The following SUN5 variants were observed in gnomAD, a reference collection of about 807,000 sequenced individuals.
The protein encoded by SUN5 is SUN domain-containing protein 5.
A neutral mutation model predicts 53.7 loss-of-function variants in SUN5; 44 were observed. That is an observed-to-expected ratio of 0.82 (90% CI 0.64 to 1.05). The LOEUF (loss-of-function observed/expected upper bound fraction) is 1.05, where lower values mean the gene tolerates loss of function less well. Ranked by LOEUF, SUN5 falls within the 50% of genes least tolerant of loss-of-function variation. The pLI is 0.00. For synonymous variants in SUN5, 166 were observed against 179.8 expected (o/e 0.92, Z 0.62); for missense variants, 433 against 483.8 (o/e 0.90, Z 0.98).
chr20:32,986,751 C>G (rs1318557895), intron 10 of SUN5, among the ~76,000 whole-genome samples: 5 of 152,182 alleles, frequency 3.3e-5, no homozygotes, highest in Non-Finnish European at 7.4e-5. Context: ...CTTTTCACTA[C>G]TGCTCCAAAC....
Position 32,999,462 on chromosome 20 carries a change from G to A in SUN5, c.340+612C>T, listed in dbSNP as rs192249824. Among the ~76,000 whole-genome samples, 665 of 152,094 alleles carry A rather than the reference G, an allele frequency of 4.4e-3. 3 individuals are homozygous for A. The highest frequency in any genetic ancestry group is 5.5e-3 in the Non-Finnish European group (377 of 67,972). ...ACAAAAATTAGCAGGGTGTGGTGGC[G>A]CGCGCCTGTAGTCCCAGCTACTCGG... On this transcript the variant is annotated intron_variant, in intron 5 of 12. Transcript: ENST00000356173.
At chr20:32,996,433 A>C in intron 6 of SUN5, 75 bp from the exon 7 acceptor site, 1 of 1,341,314 alleles carries the variant, frequency 7.5e-7, no homozygotes, top group Non-Finnish European at 1.1e-6. Flanking sequence ...TCATCCATCT[A>C]TTCTCCCACA....
Position 32,983,867 on chromosome 20 carries a change from C to T in SUN5, c.1067G>A (p.Arg356His), listed in dbSNP as rs766701001. 12 of 1,600,070 alleles carry T rather than the reference C, an allele frequency of 7.5e-6. No homozygotes were observed. Among genetic ancestry groups the T allele is most frequent in the African/African-American group, 2.7e-5 (2 of 74,752 alleles). Residue 356 changes from arginine (R) to histidine (H), a missense_variant, in exon 13 of 13, where the codon CGC (arginine) becomes CAC (histidine). Arg to His is a conservative substitution (Grantham distance 29). Transcript: ENST00000356173. Reference sequence around the variant, plus strand: ...GGCCACAGAGCCATGCACTCGCACGCGGTACAGGCAAGTGAAGCCTGGGTT... The same window carrying T: ...GGCCACAGAGCCATGCACTCGCACGTGGTACAGGCAAGTGAAGCCTGGGTT... ...WGNPGFTCLY[R>H]VRVHGSVAPP...
At chr20:32,997,589 T>G (rs1316983280) in intron 6 of SUN5, 49 bp downstream of exon 6, 17 of 1,604,254 alleles carry the variant, frequency 1.1e-5, no homozygotes, top group Non-Finnish European at 1.5e-5. Context: ...TATTGACTGG[T>G]TAGGGTGAGA....
chr20:33,003,091 A>G (rs1046433899), intron 1 of SUN5, among the ~76,000 whole-genome samples, 172 bp from the exon 2 acceptor site: 1 of 152,230 alleles, frequency 6.6e-6, no homozygotes, highest in South Asian at 2.1e-4. Flanking sequence ...AAATCCAGGT[A>G]TCCATCAAGG....
chr20:32,994,224 T>C (rs1233865859), intron 8 of SUN5, among the ~76,000 whole-genome samples: 1 of 152,234 alleles, frequency 6.6e-6, no homozygotes, highest in African/African-American at 2.4e-5. Context: ...TTAGTGCATG[T>C]CTAGATAGAA....
At position 32,997,690 on chromosome 20, in the gene SUN5, G is replaced by C. The variant is rs1445828746; in HGVS notation, c.341-3C>G. The C allele has an allele frequency of 1.2e-6, 2 of 1,613,996 alleles. No homozygotes were observed. The highest frequency in any genetic ancestry group is 2.2e-5 in the East Asian group (1 of 44,866). ...GTGAATAGAAAACATCCAGAATCCTGTGAGGCCATGAGAATAAGAATGAGC... is the reference window on the plus strand; with the variant it reads ...GTGAATAGAAAACATCCAGAATCCTCTGAGGCCATGAGAATAAGAATGAGC... On this transcript the variant is annotated splice_region_variant and splice_polypyrimidine_tract_variant and intron_variant, in intron 5 of 12. Coordinates refer to ENST00000356173, the MANE Select transcript of SUN5 (RefSeq NM_080675.4).
At chr20:32,997,105 G>A (rs1240388193) in intron 6 of SUN5, among the ~76,000 whole-genome samples, 1 of 152,180 alleles carries the variant, frequency 6.6e-6, no homozygotes, top group Non-Finnish European at 1.5e-5. Context: ...ATTTTAGCCG[G>A]ACCTTGATGG....
At chr20:32,989,207 G>C (rs112931924) in intron 9 of SUN5, among the ~76,000 whole-genome samples, 1 of 152,202 alleles carries the variant, frequency 6.6e-6, no homozygotes, top group Non-Finnish European at 1.5e-5. Flanking sequence ...TTACAGGCGT[G>C]AGCCACCACA....
intron 5 of SUN5, chr20:32,999,750 A>AGG (rs1188533581): frequency 1.0e-5 from 6 of 586,752 alleles, no homozygotes; most frequent in Non-Finnish European, 1.7e-5. Flanking sequence ...CAGTGGAGGG[A>AGG]GGAGATTCCT....
Position 33,000,071 on chromosome 20 carries a change from C to G in SUN5, c.340+3G>C, listed in dbSNP as rs535982709. 5 of 1,608,606 alleles carry G rather than the reference C, an allele frequency of 3.1e-6. No homozygotes were observed. In the South Asian group the frequency reaches 5.6e-5, roughly 18 times the overall value. ...TGGGACTGGGCAGGGCCCTGGGACA[C>G]ACCGAAAGCACAGAGGAGCAGAATG... On this transcript the variant is annotated splice_donor_region_variant and intron_variant, in intron 5 of 12. Transcript: ENST00000356173.
intron 6 of SUN5, 60 bp downstream of exon 6, chr20:32,997,578 A>G: frequency 6.3e-7 from 1 of 1,579,150 alleles, no homozygotes; most frequent in Non-Finnish European, 8.7e-7. Context: ...TGTGGAGGTG[A>G]TATTGACTGG....
chr20:33,001,416 G>T, intron 3 of SUN5, 138 bp from the exon 4 acceptor site: 1 of 922,452 alleles, frequency 1.1e-6, no homozygotes, highest in Non-Finnish European at 1.7e-6. Flanking sequence ...GCCTGGGACA[G>T]AACCAGGCTC....
In SUN5 at chr20:32,987,644, C is replaced by T; in HGVS notation, c.729+16G>A. The stretch of plus-strand genomic sequence containing the variant: ...CACTCCCCTGCCGCTGTCCCATCTC[C>T]CGCCATCCCCCCTGCCTCAAGGATC... On this transcript the variant is annotated intron_variant, in intron 10 of 12. Transcript: ENST00000356173. The T allele has an allele frequency of 2.5e-6, 4 of 1,580,250 alleles. No homozygotes were observed. Among genetic ancestry groups the T allele is most frequent in the South Asian group, 2.3e-5 (2 of 86,428 alleles).
At chr20:32,997,375 A>C (rs888882597) in intron 6 of SUN5, among the ~76,000 whole-genome samples, 2 of 152,212 alleles carry the variant, frequency 1.3e-5, no homozygotes, top group Non-Finnish European at 1.5e-5. Context: ...GCCTTGAGAA[A>C]GGAGAGATGG....
At chr20:33,000,381 C>G (rs1989969186) in intron 4 of SUN5, among the ~76,000 whole-genome samples, 1 of 152,180 alleles carries the variant, frequency 6.6e-6, no homozygotes, top group Non-Finnish European at 1.5e-5. Flanking sequence ...TGACTGGGAG[C>G]TCATGAGTGG....
intron 10 of SUN5, 25 bp from the exon 11 acceptor site, chr20:32,985,928 G>A (rs748372584): frequency 6.2e-7 from 1 of 1,606,446 alleles, no homozygotes; most frequent in Non-Finnish European, 8.5e-7. Flanking sequence ...TACAATAAGG[G>A]ATATGCTGGG....
In SUN5 at chr20:32,985,727, A is replaced by C; in HGVS notation, c.897+9T>G. On this transcript the variant is annotated intron_variant, in intron 11 of 12. Coordinates refer to ENST00000356173, the MANE Select transcript of SUN5 (RefSeq NM_080675.4). ...AGCTAAGCATAGCTCCCTGCAGGGG[A>C]GTGCTCACATAGATGACGAAGTCCT... 2.5e-6 allele frequency: 4 copies of C among 1,613,596 alleles called. No homozygotes were observed.
chr20:32,998,175 CAAAAAAA>C (rs35729664), intron 5 of SUN5, among the ~76,000 whole-genome samples: 834 of 59,728 alleles, frequency 0.014, 3 homozygotes, highest in Middle Eastern at 0.021. Context: ...CCCATCTCTA[CAAAAAAA>C]AAAAAAAAAA....
Sources: allele counts gnomAD v4.1 joint callset (sites outside exome capture counted in the v4.1 genomes callset), GRCh38; gene constraint gnomAD v4.1.1; transcripts MANE v1.5; gene names NCBI Gene and HGNC (gene_info 2026-07-23, HGNC 2026-07-21).